TCF4: variants seen among roughly 807,000 people sequenced by gnomAD.
TCF4 encodes the protein transcription factor 4.
A neutral mutation model predicts 82.1 loss-of-function variants in TCF4; 3 were observed. The observed-to-expected ratio is 0.04, with a 90% confidence interval of 0.02 to 0.09. The LOEUF is 0.09. Among genes scored for constraint, TCF4 ranks in the 10% least tolerant of loss-of-function variants. The probability of loss-of-function intolerance (pLI) is 1.00; values close to 1 mark genes in which losing one functional copy is unlikely to be tolerated. For synonymous variants in TCF4, 276 were observed against 309.6 expected (o/e 0.89, Z 1.14); for missense variants, 518 against 852.7 (o/e 0.61, Z 4.89).
chr18:55,339,763 GT>G (rs1167744625), intron 8 of TCF4, among the ~76,000 whole-genome samples: 1 of 152,116 alleles, frequency 6.6e-6, no homozygotes, highest in African/African-American at 2.4e-5. Flanking sequence ...AAAAAAAAGT[GT>G]TTTAAGTTTC....
chr18:55,309,209 C>G (rs1361378380), intron 8 of TCF4, among the ~76,000 whole-genome samples: 1 of 151,966 alleles, frequency 6.6e-6, no homozygotes, highest in Non-Finnish European at 1.5e-5. Flanking sequence ...GCTTCCTGGG[C>G]TCAATGATCC....
At chr18:55,467,020 AC>A (rs1484056028) in intron 3 of TCF4, among the ~76,000 whole-genome samples, 1 of 152,124 alleles carries the variant, frequency 6.6e-6, no homozygotes, top group Non-Finnish European at 1.5e-5. Context: ...TCTCTGTTGA[AC>A]AGGCTTCCCC....
intron 2 of TCF4, among the ~76,000 whole-genome samples, chr18:55,597,541 C>T (rs1249339668): frequency 6.6e-6 from 1 of 151,964 alleles, no homozygotes; most frequent in Non-Finnish European, 1.5e-5. Flanking sequence ...GTGGTGTGTG[C>T]CTGTATCCCC....
chr18:55,527,647 G>A (rs10503003), intron 3 of TCF4, among the ~76,000 whole-genome samples: 2 of 152,082 alleles, frequency 1.3e-5, no homozygotes, highest in African/African-American at 4.8e-5. Flanking sequence ...CCACGTGCAT[G>A]ATAAGCTCTC....
intron 9 of TCF4, among the ~76,000 whole-genome samples, chr18:55,278,232 C>T (rs1203205318): frequency 6.6e-6 from 1 of 152,160 alleles, no homozygotes; most frequent in East Asian, 1.9e-4. Context: ...GTACTCTTTG[C>T]CCCAAATGTG....
chr18:55,351,158 A>C (rs2082234681), intron 6 of TCF4, 155 bp from the exon 7 acceptor site: 1 of 860,928 alleles, frequency 1.2e-6, no homozygotes, highest in Non-Finnish European at 1.8e-6. Context: ...AAAGAAAGGC[A>C]GTCTAAGAAG....
intron 3 of TCF4, among the ~76,000 whole-genome samples, chr18:55,582,131 T>C (rs2097580758): frequency 6.6e-6 from 1 of 152,120 alleles, no homozygotes; most frequent in African/African-American, 2.4e-5. Flanking sequence ...AAATAAACTG[T>C]CCTTCTGCTA....
At chr18:55,624,146 TTTTG>T (rs1480623303) in intron 2 of TCF4, among the ~76,000 whole-genome samples, 1 of 152,144 alleles carries the variant, frequency 6.6e-6, no homozygotes, top group East Asian at 1.9e-4. Flanking sequence ...GGGTTTTTAT[TTTTG>T]TGTTTGTTAA....
intron 15 of TCF4, among the ~76,000 whole-genome samples, chr18:55,236,454 C>CT (rs77656375): frequency 1.6e-3 from 240 of 145,578 alleles, no homozygotes; most frequent in South Asian, 2.2e-3. Context: ...AAGTACAAAC[C>CT]TTTTTTTTTT....
chr18:55,441,167 C>G (rs1392786560), intron 5 of TCF4, among the ~76,000 whole-genome samples: 1 of 152,204 alleles, frequency 6.6e-6, no homozygotes, highest in African/African-American at 2.4e-5. Context: ...CATATGTGTG[C>G]TCCAAATTTG....
At chr18:55,347,944 T>C (rs73960243) in intron 8 of TCF4, among the ~76,000 whole-genome samples, 5,407 of 152,230 alleles carry the variant, frequency 0.036, 318 homozygotes, top group African/African-American at 0.12. Context: ...ATACAAATAC[T>C]CATACATACT....
intron 5 of TCF4, among the ~76,000 whole-genome samples, chr18:55,435,746 C>T (rs2095316086): frequency 6.6e-6 from 1 of 152,234 alleles, no homozygotes; most frequent in Non-Finnish European, 1.5e-5. Context: ...TGCCAGCTCC[C>T]TCTGGCTGGC....
chr18:55,453,532 A>T (rs1052090664), intron 5 of TCF4, among the ~76,000 whole-genome samples: 1 of 152,152 alleles, frequency 6.6e-6, no homozygotes, highest in Non-Finnish European at 1.5e-5. Context: ...AGGTCTATAC[A>T]TCTCTGTTGG....
intron 2 of TCF4, among the ~76,000 whole-genome samples, chr18:55,614,191 A>G (rs2097709758): frequency 6.6e-6 from 1 of 152,230 alleles, no homozygotes; most frequent in South Asian, 2.1e-4. Flanking sequence ...CACTAGACCC[A>G]GTGTGGGACT....
chr18:55,541,859 A>G (rs1169010637), intron 3 of TCF4, among the ~76,000 whole-genome samples: 2 of 151,988 alleles, frequency 1.3e-5, no homozygotes, highest in Non-Finnish European at 2.9e-5. Flanking sequence ...TATTTAACAC[A>G]GTTAGAAAAA....
intron 6 of TCF4, among the ~76,000 whole-genome samples, chr18:55,370,020 C>T (rs1018034951): frequency 7.2e-5 from 11 of 152,202 alleles, no homozygotes; most frequent in South Asian, 2.1e-4. Flanking sequence ...GCCATCCCAT[C>T]GTGGAGGGCA....
chr18:55,375,540 A>G (rs939038408), intron 6 of TCF4, among the ~76,000 whole-genome samples: 10 of 152,300 alleles, frequency 6.6e-5, no homozygotes, highest in Non-Finnish European at 7.3e-5. Context: ...GTCTTTGCCA[A>G]TGTACTAGCA....
chr18:55,261,577 G>C (rs374712894), intron 11 of TCF4, 44 bp from the exon 12 acceptor site: 1 of 1,605,180 alleles, frequency 6.2e-7, no homozygotes, highest in Non-Finnish European at 8.5e-7. Context: ...GCAGTGAGAC[G>C]TCTAACAATT....
chr18:55,466,064 C>A (rs970129773), intron 3 of TCF4, among the ~76,000 whole-genome samples: 3 of 152,098 alleles, frequency 2.0e-5, no homozygotes, highest in African/African-American at 7.2e-5. Flanking sequence ...CTTTTGCATC[C>A]CAAAGGACAT....
Sources: allele counts gnomAD v4.1 joint callset (sites outside exome capture counted in the v4.1 genomes callset), GRCh38; gene constraint gnomAD v4.1.1; transcripts MANE v1.5; gene names NCBI Gene and HGNC (gene_info 2026-07-23, HGNC 2026-07-21).